Variants in ARHGAP15 observed in about 807,000 individuals in gnomAD.
ARHGAP15 encodes the protein rho GTPase-activating protein 15.
In ARHGAP15, 51 loss-of-function variants were observed where a neutral mutation model predicts 63.7. That is an observed-to-expected ratio of 0.80 (90% confidence interval 0.64 to 1.01). ARHGAP15 has a LOEUF of 1.01. Ranked by LOEUF, ARHGAP15 falls within the 50% of genes least tolerant of loss-of-function variation. The pLI, the probability that ARHGAP15 is intolerant of heterozygous loss-of-function variation, is 0.00. For synonymous variants in ARHGAP15, 191 were observed against 193.8 expected (o/e 0.99, Z 0.12); for missense variants, 560 against 564.6 (o/e 0.99, Z 0.08).
chr2:143,233,875 C>A (rs1015933677), intron 5 of ARHGAP15, among the ~76,000 whole-genome samples: 1 of 151,986 alleles, frequency 6.6e-6, no homozygotes, highest in Non-Finnish European at 1.5e-5. Flanking sequence ...GAATTCCTGA[C>A]CTCAAGTGCT....
At chr2:143,550,714 A>C (rs1695520605) in intron 10 of ARHGAP15, among the ~76,000 whole-genome samples, 2 of 152,226 alleles carry the variant, frequency 1.3e-5, no homozygotes, top group East Asian at 3.8e-4. Context: ...GGAAGAGGAC[A>C]AGTTAAGTCT....
chr2:143,205,215 G>GGT (rs1447864614), intron 3 of ARHGAP15, among the ~76,000 whole-genome samples: 1 of 151,014 alleles, frequency 6.6e-6, no homozygotes, highest in Non-Finnish European at 1.5e-5. Context: ...TGAACATTTG[G>GGT]GGTGGAGGTT....
At chr2:143,346,985 T>A (rs1387359479) in intron 6 of ARHGAP15, among the ~76,000 whole-genome samples, 1 of 152,080 alleles carries the variant, frequency 6.6e-6, no homozygotes, top group Non-Finnish European at 1.5e-5. Context: ...ATTATCCCTT[T>A]GGTCTGTTTA....
chr2:143,741,445 C>CA (rs1685959483), intron 13 of ARHGAP15, among the ~76,000 whole-genome samples: 1 of 152,240 alleles, frequency 6.6e-6, no homozygotes, highest in Non-Finnish European at 1.5e-5. Flanking sequence ...GTGATCCCCC[C>CA]AAAAAGGTTG....
intron 6 of ARHGAP15, among the ~76,000 whole-genome samples, chr2:143,257,147 A>G (rs1374292982): frequency 6.6e-6 from 1 of 152,134 alleles, no homozygotes; most frequent in African/African-American, 2.4e-5. Context: ...CGTGAAACTC[A>G]CTAGTCAAAG....
chr2:143,207,862 C>A (rs1178345162), intron 3 of ARHGAP15, among the ~76,000 whole-genome samples: 1 of 152,010 alleles, frequency 6.6e-6, no homozygotes, highest in Non-Finnish European at 1.5e-5. Flanking sequence ...TTTTTCAGAA[C>A]CTATGAAGTT....
chr2:143,612,962 A>T (rs1299077453), intron 11 of ARHGAP15, among the ~76,000 whole-genome samples: 1 of 152,202 alleles, frequency 6.6e-6, no homozygotes, highest in Non-Finnish European at 1.5e-5. Flanking sequence ...AGTAGTTTAT[A>T]CCTTTACTAC....
intron 11 of ARHGAP15, among the ~76,000 whole-genome samples, chr2:143,557,392 A>C (rs1041431343): frequency 6.6e-6 from 1 of 152,116 alleles, no homozygotes; most frequent in African/African-American, 2.4e-5. Context: ...CAGTGTGAAA[A>C]GGTATGATTC....
chr2:143,298,593 C>T (rs2105143187), intron 6 of ARHGAP15, among the ~76,000 whole-genome samples: 1 of 152,014 alleles, frequency 6.6e-6, no homozygotes, highest in South Asian at 2.1e-4. Flanking sequence ...TTGAGCAAAT[C>T]CACACAAACT....
At chr2:143,337,963 G>A (rs1684879869) in intron 6 of ARHGAP15, among the ~76,000 whole-genome samples, 1 of 152,092 alleles carries the variant, frequency 6.6e-6, no homozygotes, top group Non-Finnish European at 1.5e-5. Flanking sequence ...ATTTTTGAAG[G>A]CATTACTCCT....
intron 6 of ARHGAP15, among the ~76,000 whole-genome samples, chr2:143,340,484 T>C (rs1487339015): frequency 6.6e-6 from 1 of 152,106 alleles, no homozygotes; most frequent in African/African-American, 2.4e-5. Context: ...TGCTGTCTAT[T>C]ATAGCTGATT....
intron 9 of ARHGAP15, among the ~76,000 whole-genome samples, chr2:143,488,361 T>C (rs994166785): frequency 2.0e-5 from 3 of 152,228 alleles, no homozygotes; most frequent in African/African-American, 7.2e-5. Context: ...AATGAAAGGA[T>C]GAATGGATAG....
chr2:143,404,908 A>G (rs1688133090), intron 6 of ARHGAP15, among the ~76,000 whole-genome samples: 2 of 152,056 alleles, frequency 1.3e-5, no homozygotes, highest in African/African-American at 4.8e-5. Context: ...CTTACACATT[A>G]AAACAGAGAC....
intron 6 of ARHGAP15, among the ~76,000 whole-genome samples, chr2:143,268,598 T>G (rs1268265933): frequency 6.6e-6 from 1 of 152,124 alleles, no homozygotes; most frequent in Non-Finnish European, 1.5e-5. Flanking sequence ...TTTTTAAAAA[T>G]TACACGTTAG....
intron 6 of ARHGAP15, among the ~76,000 whole-genome samples, chr2:143,428,136 G>A (rs999093110): frequency 4.6e-5 from 7 of 151,940 alleles, no homozygotes; most frequent in African/African-American, 1.5e-4. Context: ...CGCACTTGGG[G>A]GAATATCTAT....
chr2:143,686,003 T>G (rs928544151), intron 12 of ARHGAP15, among the ~76,000 whole-genome samples: 3 of 152,314 alleles, frequency 2.0e-5, no homozygotes, highest in Admixed American at 2.0e-4. Flanking sequence ...GTATTATTAT[T>G]TTTTATTTCT....
At chr2:143,396,034 T>C (rs1281888517) in intron 6 of ARHGAP15, among the ~76,000 whole-genome samples, 1 of 152,124 alleles carries the variant, frequency 6.6e-6, no homozygotes, top group East Asian at 1.9e-4. Flanking sequence ...ACTTCCTTCA[T>C]ACTGCATTAA....
At chr2:143,334,903 G>A (rs1357239540) in intron 6 of ARHGAP15, among the ~76,000 whole-genome samples, 1 of 152,154 alleles carries the variant, frequency 6.6e-6, no homozygotes, top group East Asian at 1.9e-4. Context: ...TCAAATAATT[G>A]CTTCAGATCT....
chr2:143,556,696 A>G (rs183159156), intron 11 of ARHGAP15, among the ~76,000 whole-genome samples: 3 of 152,192 alleles, frequency 2.0e-5, no homozygotes, highest in Admixed American at 1.3e-4. Context: ...TTAATAGTCT[A>G]TGTGAAATAA....
Sources: allele counts gnomAD v4.1 joint callset (sites outside exome capture counted in the v4.1 genomes callset), GRCh38; gene constraint gnomAD v4.1.1; transcripts MANE v1.5; gene names NCBI Gene and HGNC (gene_info 2026-07-23, HGNC 2026-07-21).